The following SLC27A6 variants were observed in gnomAD, a reference collection of about 807,000 sequenced individuals.
SLC27A6 encodes the protein long-chain fatty acid transport protein 6.
Under a neutral mutation model 63.9 loss-of-function variants are expected in SLC27A6, and 74 were observed. The observed-to-expected ratio is 1.16, with a 90% confidence interval of 0.96 to 1.40. SLC27A6 has a LOEUF of 1.40. SLC27A6 is among the 40% of genes most tolerant of loss of function. The probability of loss-of-function intolerance (pLI) is 0.00; values close to 1 mark genes in which losing one functional copy is unlikely to be tolerated. For missense variants in SLC27A6, 794 were observed against 732.9 expected, an observed-to-expected ratio of 1.08 and a Z score of -0.96; for synonymous variants, 287 against 260.8, an observed-to-expected ratio of 1.10 and a Z score of -0.97.
At chr5:128,994,663 ATT>A in intron 4 of SLC27A6, among the ~76,000 whole-genome samples, 1 of 152,196 alleles carries the variant, frequency 6.6e-6, no homozygotes, top group East Asian at 1.9e-4. Flanking sequence ...ACAGACAGTT[ATT>A]TAAAAGAAAG....
chr5:128,973,547 G>A (rs1242591288), intron 1 of SLC27A6, among the ~76,000 whole-genome samples: 1 of 152,208 alleles, frequency 6.6e-6, no homozygotes, highest in African/African-American at 2.4e-5. Flanking sequence ...CTAGCAGTGA[G>A]CAAGGCTTCG....
intron 1 of SLC27A6, among the ~76,000 whole-genome samples, chr5:128,967,735 G>A (rs1580693652): frequency 6.6e-6 from 1 of 151,680 alleles, no homozygotes; most frequent in South Asian, 2.1e-4. Flanking sequence ...TGATAAAGTG[G>A]CAAATGTATA....
intron 4 of SLC27A6, among the ~76,000 whole-genome samples, chr5:128,996,394 T>C (rs1448062938): frequency 6.6e-6 from 1 of 152,228 alleles, no homozygotes; most frequent in African/African-American, 2.4e-5. Context: ...TTCTGAATAC[T>C]TTTGGTAAAG....
intron 4 of SLC27A6, among the ~76,000 whole-genome samples, chr5:129,008,268 G>C (rs1293242497): frequency 6.6e-6 from 1 of 152,116 alleles, no homozygotes; most frequent in Non-Finnish European, 1.5e-5. Context: ...TTGGACATTA[G>C]AGAAATGAAT....
intron 1 of SLC27A6, among the ~76,000 whole-genome samples, chr5:128,984,315 A>T (rs1750711655): frequency 6.6e-6 from 1 of 152,174 alleles, no homozygotes; most frequent in African/African-American, 2.4e-5. Flanking sequence ...TTCCTCATCA[A>T]GGACCCAGTC....
chr5:128,972,007 C>T (rs950750686), intron 1 of SLC27A6, among the ~76,000 whole-genome samples: 1 of 152,112 alleles, frequency 6.6e-6, no homozygotes, highest in Non-Finnish European at 1.5e-5. Flanking sequence ...GATATTATTT[C>T]TCCTTCACTT....
chr5:128,969,493 T>G (rs1270949202), intron 1 of SLC27A6, among the ~76,000 whole-genome samples: 2 of 152,180 alleles, frequency 1.3e-5, no homozygotes, highest in Admixed American at 6.5e-5. Flanking sequence ...CCCTTGTAAG[T>G]TGGATTCCTA....
At chr5:129,029,036 A>G (rs1752336146) in intron 8 of SLC27A6, among the ~76,000 whole-genome samples, 1 of 151,962 alleles carries the variant, frequency 6.6e-6, no homozygotes, top group Non-Finnish European at 1.5e-5. Flanking sequence ...GAGCAGAAGA[A>G]GGGAATGATT....
rs770292688 is a variant in SLC27A6, at chr5:129,029,634, A to C, written c.1610A>C (p.Asp537Ala). The change falls in exon 9 of 10, where the codon GAT becomes GCT. Residue 537 changes from aspartate to alanine, a missense_variant. Coordinates refer to ENST00000262462, the MANE Select transcript of SLC27A6 (RefSeq NM_001017372.3). The stretch of plus-strand genomic sequence containing the variant: ...ATTTTAAAACCAAATACATCTTTAG[A>C]TTTGGAAAAAGTTTATGAACAAGTT... ...SIILKPNTSL[D>A]LEKVYEQVVT... The C allele has an allele frequency of 6.2e-7, 1 of 1,601,396 alleles. No homozygotes were observed. Among genetic ancestry groups the C allele is most frequent in the Non-Finnish European group, 8.5e-7 (1 of 1,174,170 alleles).
chr5:128,967,578 T>C (rs1749954379), intron 1 of SLC27A6, among the ~76,000 whole-genome samples: 1 of 152,184 alleles, frequency 6.6e-6, no homozygotes, highest in Admixed American at 6.5e-5. Context: ...TATACCCTGG[T>C]GATCTCTAAG....
At chr5:129,019,849 G>C (rs1752020526) in intron 5 of SLC27A6, among the ~76,000 whole-genome samples, 1 of 151,976 alleles carries the variant, frequency 6.6e-6, no homozygotes, top group Non-Finnish European at 1.5e-5. Context: ...CATAGACAAT[G>C]ATCTGATGTG....
intron 4 of SLC27A6, 88 bp downstream of exon 4, chr5:128,990,552 CTACCTT>C: frequency 7.6e-7 from 1 of 1,322,480 alleles, no homozygotes. Context: ...TGTTTATACT[CTACCTT>C]TGTTACTGGC....
intron 4 of SLC27A6, among the ~76,000 whole-genome samples, chr5:128,998,189 G>A (rs1393641843): frequency 6.6e-6 from 1 of 151,922 alleles, no homozygotes; most frequent in Non-Finnish European, 1.5e-5. Context: ...CTATGGGGGA[G>A]GCTGAGGTGG....
At chr5:129,002,464 C>CCCTCTCTTGTTCCTTA (rs2150142588) in intron 4 of SLC27A6, among the ~76,000 whole-genome samples, 1 of 151,958 alleles carries the variant, frequency 6.6e-6, no homozygotes, top group South Asian at 2.1e-4. Context: ...CTTGTTCCTT[C>CCCTCTCTTGTTCCTTA]CCTCTCTTGT....
intron 4 of SLC27A6, among the ~76,000 whole-genome samples, chr5:129,009,475 C>T (rs769416047): frequency 1.3e-5 from 2 of 152,032 alleles, no homozygotes; most frequent in Non-Finnish European, 2.9e-5. Context: ...TGTTTATAAC[C>T]AGTTTTTAAA....
At chr5:128,967,258 G>A (rs1749941623) in intron 1 of SLC27A6, among the ~76,000 whole-genome samples, 1 of 152,024 alleles carries the variant, frequency 6.6e-6, no homozygotes, top group African/African-American at 2.4e-5. Flanking sequence ...CTTGGAGTTA[G>A]GACATCTTAG....
intron 9 of SLC27A6, among the ~76,000 whole-genome samples, chr5:129,030,425 C>A (rs1279400022): frequency 6.6e-6 from 1 of 151,926 alleles, no homozygotes; most frequent in Non-Finnish European, 1.5e-5. Flanking sequence ...CACTAATAGA[C>A]TCCTAGAGGA....
At chr5:128,996,885 T>C (rs2150139876) in intron 4 of SLC27A6, among the ~76,000 whole-genome samples, 1 of 152,312 alleles carries the variant, frequency 6.6e-6, no homozygotes, top group African/African-American at 2.4e-5. Context: ...GTTTCGCCAG[T>C]TACTTTTTGA....
intron 4 of SLC27A6, among the ~76,000 whole-genome samples, chr5:129,005,371 A>G (rs568641558): frequency 6.6e-6 from 1 of 152,196 alleles, no homozygotes; most frequent in Non-Finnish European, 1.5e-5. Flanking sequence ...TATTTGTAGC[A>G]CCAATGTATT....
Sources: allele counts gnomAD v4.1 joint callset (sites outside exome capture counted in the v4.1 genomes callset), GRCh38; gene constraint gnomAD v4.1.1; transcripts MANE v1.5; gene names NCBI Gene and HGNC (gene_info 2026-07-23, HGNC 2026-07-21).